Variants in TRMT11 observed in about 807,000 individuals in gnomAD.
TRMT11 encodes tRNA (guanine(10)-N(2))-methyltransferase TRMT11.
A neutral mutation model predicts 62.8 loss-of-function variants in TRMT11; 53 were observed. The observed-to-expected ratio is 0.84, with a 90% confidence interval of 0.68 to 1.06. The LOEUF (loss-of-function observed/expected upper bound fraction) is 1.06, where lower values mean the gene tolerates loss of function less well. TRMT11 is among the 50% of genes least tolerant of loss of function. The probability of loss-of-function intolerance (pLI) is 0.00; values close to 1 mark genes in which losing one functional copy is unlikely to be tolerated. For missense variants in TRMT11, 556 were observed against 553.4 expected (o/e 1.00, Z -0.05); for synonymous variants, 188 against 190.3 (o/e 0.99, Z 0.10).
At chr6:125,990,781 GTACTCTAA>G (rs1395743304) in intron 1 of TRMT11, among the ~76,000 whole-genome samples, 1 of 151,954 alleles carries the variant, frequency 6.6e-6, no homozygotes, top group Admixed American at 6.6e-5. Flanking sequence ...TTACTCTCTT[GTACTCTAA>G]TACTTTTTTG....
intron 21 of TRMT11, among the ~76,000 whole-genome samples, chr6:126,130,936 A>T (rs932738079): frequency 6.6e-6 from 1 of 152,144 alleles, no homozygotes; most frequent in Non-Finnish European, 1.5e-5. Flanking sequence ...GAAAGACAAC[A>T]TCTGAACAAT....
chr6:126,012,275 G>T (rs73592134), intron 9 of TRMT11, among the ~76,000 whole-genome samples: 100 of 149,476 alleles, frequency 6.7e-4, no homozygotes, highest in African/African-American at 2.3e-3. Flanking sequence ...TTTTTTTTCC[G>T]ATCAACTTGA....
chr6:126,113,154 A>G (rs932506118), intron 18 of TRMT11, among the ~76,000 whole-genome samples: 1 of 152,004 alleles, frequency 6.6e-6, no homozygotes, highest in Admixed American at 6.6e-5. Context: ...AGTATAAACA[A>G]AGTGGTTTGA....
intron 17 of TRMT11, among the ~76,000 whole-genome samples, chr6:126,061,713 C>G (rs1776540545): frequency 6.6e-6 from 1 of 152,166 alleles, no homozygotes; most frequent in Admixed American, 6.5e-5. Context: ...ATAGTCCTCT[C>G]TCCTCCGATG....
intron 17 of TRMT11, among the ~76,000 whole-genome samples, chr6:126,071,440 A>G (rs1776852440): frequency 6.6e-6 from 1 of 151,816 alleles, no homozygotes; most frequent in Non-Finnish European, 1.5e-5. Context: ...GCTTGGGATT[A>G]TAAAAGCTAT....
At chr6:126,242,071 G>A in the TRMT11 span, among the ~76,000 whole-genome samples, 1 of 150,254 alleles carries the variant, frequency 6.7e-6, no homozygotes, top group African/African-American at 2.5e-5. Flanking sequence ...AAGTTGATAA[G>A]CAACTTCAGC....
intron 11 of TRMT11, 47 bp downstream of exon 11, chr6:126,013,148 T>G (rs1794485489): frequency 2.0e-6 from 3 of 1,535,792 alleles, no homozygotes; most frequent in Non-Finnish European, 2.7e-6. Flanking sequence ...CTTACAATGT[T>G]TGCGTATCTA....
intron 8 of TRMT11, among the ~76,000 whole-genome samples, chr6:126,010,032 T>G (rs1353644071): frequency 6.8e-6 from 1 of 146,702 alleles, no homozygotes; most frequent in Non-Finnish European, 1.5e-5. Context: ...AGTACAAAAC[T>G]TTTTTTTTTG....
chr6:126,056,073 A>G (rs1014829137), intron 17 of TRMT11, among the ~76,000 whole-genome samples: 2 of 152,238 alleles, frequency 1.3e-5, no homozygotes, highest in Admixed American at 6.5e-5. Flanking sequence ...GCAAAGAACC[A>G]GGAGTAAGAT....
chr6:126,091,530 G>C (rs1369036855), intron 17 of TRMT11, among the ~76,000 whole-genome samples: 1 of 152,014 alleles, frequency 6.6e-6, no homozygotes, highest in African/African-American at 2.4e-5. Context: ...TTGTGTTGGG[G>C]GAGGTGGCTG....
the TRMT11 span, among the ~76,000 whole-genome samples, chr6:126,265,988 T>C: frequency 1.1e-4 from 17 of 152,312 alleles, 1 homozygote; most frequent in East Asian, 2.1e-3. Context: ...GAACAGAGTC[T>C]ATGAAATTCA....
chr6:126,187,867 A>G (rs774993437), intron 1 of TRMT11, among the ~76,000 whole-genome samples: 9 of 151,560 alleles, frequency 5.9e-5, no homozygotes, highest in Non-Finnish European at 1.3e-4. Flanking sequence ...TGGGAAATTC[A>G]TTAGAGGAAA....
chr6:126,209,544 C>A, the TRMT11 span, among the ~76,000 whole-genome samples: 1 of 150,996 alleles, frequency 6.6e-6, no homozygotes, highest in Non-Finnish European at 1.5e-5. Flanking sequence ...CACGGTGAAA[C>A]CCCGTCTCTA....
At chr6:126,124,691 G>A (rs892112144) in intron 21 of TRMT11, among the ~76,000 whole-genome samples, 4 of 152,048 alleles carry the variant, frequency 2.6e-5, no homozygotes, top group Admixed American at 6.6e-5. Context: ...TCAGAGTGGA[G>A]TCCACATAGT....
intron 16 of TRMT11, among the ~76,000 whole-genome samples, chr6:126,049,229 A>T (rs1776144677): frequency 6.6e-6 from 1 of 152,212 alleles, no homozygotes; most frequent in South Asian, 2.1e-4. Flanking sequence ...GGGATGCATA[A>T]GTCTTTTAAT....
At chr6:126,245,802 A>G in the TRMT11 span, among the ~76,000 whole-genome samples, 1 of 152,166 alleles carries the variant, frequency 6.6e-6, no homozygotes, top group African/African-American at 2.4e-5. Context: ...CTGTATTACC[A>G]AAAAACCGTT....
chr6:126,269,959 C>T, the TRMT11 span, among the ~76,000 whole-genome samples: 1 of 152,132 alleles, frequency 6.6e-6, no homozygotes, highest in East Asian at 1.9e-4. Flanking sequence ...GAGGGAAGAA[C>T]ACTTCTCTGA....
At chr6:126,176,643 A>G (rs772415086), upstream of TRMT11, among the ~76,000 whole-genome samples, 1 of 152,236 alleles carries the variant, frequency 6.6e-6, no homozygotes, top group East Asian at 1.9e-4. Flanking sequence ...AGGGGAATAA[A>G]ATAGATTTAC....
Position 126,004,103 on chromosome 6 carries a change from T to C in TRMT11, c.680-4289T>C, listed in dbSNP as rs143925489. ...TTTTGTCAATTGAGAATAATTCTTTTAGATATATACATGTAGAAAATGATT... is the reference window on the plus strand; with the variant it reads ...TTTTGTCAATTGAGAATAATTCTTTCAGATATATACATGTAGAAAATGATT... On this transcript the variant is annotated intron_variant, in intron 7 of 12. Coordinates refer to ENST00000334379, the MANE Select transcript of TRMT11 (RefSeq NM_001031712.3). 9.8e-4 allele frequency among the ~76,000 whole-genome samples: 149 copies of C among 152,222 alleles called. 1 individual carries two copies. In the East Asian group the frequency reaches 0.028, roughly 28 times the overall value.
Sources: allele counts gnomAD v4.1 joint callset (sites outside exome capture counted in the v4.1 genomes callset), GRCh38; gene constraint gnomAD v4.1.1; transcripts MANE v1.5; gene names NCBI Gene and HGNC (gene_info 2026-07-23, HGNC 2026-07-21).